The following SLAIN2 variants were observed in gnomAD, a reference collection of about 807,000 sequenced individuals.
SLAIN2 encodes SLAIN family member 2.
SLAIN2 carries 31 observed loss-of-function variants against 56.6 expected under a neutral mutation model. The observed-to-expected ratio is 0.55, with a 90% CI of 0.41 to 0.74. SLAIN2 has a LOEUF of 0.74. Ranked by LOEUF, SLAIN2 falls within the 30% of genes least tolerant of loss-of-function variation. SLAIN2 has a pLI of 0.00. For synonymous variants in SLAIN2, 317 were observed against 284.9 expected (o/e 1.11, Z -1.13); for missense variants, 777 against 754.2 (o/e 1.03, Z -0.35).
chr4:48,373,388 T>C (rs183875826), intron 2 of SLAIN2, among the ~76,000 whole-genome samples: 4 of 152,344 alleles, frequency 2.6e-5, no homozygotes, highest in African/African-American at 9.6e-5. Context: ...AGATCTCTCT[T>C]TTGCCTCATG....
chr4:48,408,869 C>T (rs1361593624), intron 6 of SLAIN2, among the ~76,000 whole-genome samples: 3 of 152,114 alleles, frequency 2.0e-5, no homozygotes, highest in Non-Finnish European at 4.4e-5. Flanking sequence ...AAGCTCCATT[C>T]ATGGAAAGTG....
chr4:48,356,684 T>C (rs1025619172), intron 1 of SLAIN2, among the ~76,000 whole-genome samples: 3 of 152,182 alleles, frequency 2.0e-5, no homozygotes, highest in Admixed American at 6.5e-5. Context: ...TGCATAGTTA[T>C]GGTTCAGCAC....
intron 5 of SLAIN2, 36 bp from the exon 6 acceptor site, chr4:48,383,611 G>C: frequency 1.2e-5 from 17 of 1,467,300 alleles, no homozygotes; most frequent in Non-Finnish European, 1.5e-5. Context: ...CCATCTGAAA[G>C]AATATGATTT....
Position 48,379,669 on chromosome 4 carries a change from TTTTC to T in SLAIN2, c.704-17_704-14del. 1 of 1,393,480 alleles carries T rather than the reference TTTTC, an allele frequency of 7.2e-7. No homozygotes were observed. Among genetic ancestry groups the T allele is most frequent in the Non-Finnish European group, 9.4e-7 (1 of 1,067,298 alleles). 86.3% of individuals were successfully genotyped at this position (1,393,480 alleles called of 1,614,324 possible). A position where few individuals can be genotyped will look rare whatever the true frequency, so the allele number is the denominator to read the frequency against. On this transcript the variant is annotated splice_polypyrimidine_tract_variant and intron_variant, in intron 3 of 7. Transcript: ENST00000264313. ...AGTTGCTTTACCAGAGTTTGAATTT[TTTTC>T]TTTTTTTTTTTTTAAGGTAACTTGA...
chr4:48,377,840 A>C (rs572650624), intron 2 of SLAIN2, 56 bp from the exon 3 acceptor site: 2 of 1,513,588 alleles, frequency 1.3e-6, no homozygotes, highest in Non-Finnish European at 1.8e-6. Context: ...TTCAGAAATG[A>C]AACGTTAACT....
chr4:48,366,502 T>C (rs1306483782), intron 1 of SLAIN2, among the ~76,000 whole-genome samples: 1 of 152,236 alleles, frequency 6.6e-6, no homozygotes, highest in African/African-American at 2.4e-5. Context: ...TATCTTCCTT[T>C]TAGTTTCCAG....
At chr4:48,347,616 A>T (rs1714903525) in intron 1 of SLAIN2, among the ~76,000 whole-genome samples, 1 of 152,160 alleles carries the variant, frequency 6.6e-6, no homozygotes, top group Non-Finnish European at 1.5e-5. Flanking sequence ...TTTTATTGTA[A>T]AATATAACAA....
intron 3 of SLAIN2, 140 bp downstream of exon 3, chr4:48,378,200 C>T: frequency 1.1e-6 from 1 of 892,390 alleles, no homozygotes; most frequent in Non-Finnish European, 1.7e-6. Context: ...CGTTGAGGAG[C>T]AACTTAGCAC....
At chr4:48,411,708 C>T (rs1313044770) in intron 6 of SLAIN2, among the ~76,000 whole-genome samples, 5 of 152,082 alleles carry the variant, frequency 3.3e-5, no homozygotes, top group African/African-American at 9.7e-5. Context: ...TTACAGTAGA[C>T]CTCTTGTACT....
intron 1 of SLAIN2, among the ~76,000 whole-genome samples, chr4:48,365,723 C>T (rs1198466745): frequency 2.0e-5 from 3 of 151,780 alleles, no homozygotes; most frequent in Admixed American, 6.6e-5. Context: ...CACCACACTC[C>T]GCTAATTTTT....
chr4:48,413,541 A>T (rs1716920506), intron 6 of SLAIN2, among the ~76,000 whole-genome samples: 1 of 152,164 alleles, frequency 6.6e-6, no homozygotes, highest in Non-Finnish European at 1.5e-5. Context: ...TGTGTCAGTA[A>T]ATTGTGATTA....
intron 6 of SLAIN2, among the ~76,000 whole-genome samples, chr4:48,400,734 A>G (rs1226660685): frequency 2.0e-5 from 3 of 151,180 alleles, no homozygotes; most frequent in African/African-American, 7.3e-5. Flanking sequence ...GTAGTAGTCT[A>G]TTTTATTAAT....
intron 1 of SLAIN2, among the ~76,000 whole-genome samples, chr4:48,366,231 C>T (rs1715515919): frequency 6.6e-6 from 1 of 152,058 alleles, no homozygotes; most frequent in Non-Finnish European, 1.5e-5. Flanking sequence ...ATGTCCTAGC[C>T]CATGGTCTGT....
intron 6 of SLAIN2, among the ~76,000 whole-genome samples, chr4:48,417,874 G>C (rs940505693): frequency 6.6e-6 from 1 of 152,144 alleles, no homozygotes; most frequent in Non-Finnish European, 1.5e-5. Context: ...GCTATCTATG[G>C]TGTGGTATTT....
intron 1 of SLAIN2, among the ~76,000 whole-genome samples, chr4:48,365,098 C>G (rs1470903100): frequency 4.6e-5 from 7 of 152,010 alleles, no homozygotes; most frequent in African/African-American, 1.7e-4. Flanking sequence ...GTGATGTCCT[C>G]TCTTTTGTTT....
chr4:48,359,956 C>G (rs1715273034), intron 1 of SLAIN2, among the ~76,000 whole-genome samples: 1 of 151,870 alleles, frequency 6.6e-6, no homozygotes, highest in African/African-American at 2.4e-5. Context: ...GAGTTCGAGA[C>G]CAGCCTGACC....
At chr4:48,343,367 C>T (rs547849336) in intron 1 of SLAIN2, among the ~76,000 whole-genome samples, 1 of 152,346 alleles carries the variant, frequency 6.6e-6, no homozygotes, top group South Asian at 2.1e-4. Flanking sequence ...ACATAGTAAA[C>T]TGTCTAAAAC....
chr4:48,397,958 A>G (rs1219142268), intron 6 of SLAIN2, among the ~76,000 whole-genome samples: 1 of 152,222 alleles, frequency 6.6e-6, no homozygotes. Context: ...TAGTGCCGCA[A>G]TGAACATACA....
chr4:48,369,898 A>G lies in SLAIN2; in HGVS notation c.439A>G (p.Ser147Gly). The G allele has an allele frequency of 6.2e-7, 1 of 1,613,710 alleles. No individual in the cohort carries two copies. Among genetic ancestry groups the G allele is most frequent in the Non-Finnish European group, 8.5e-7 (1 of 1,179,708 alleles). ...ACTTACACCAATGCAGAAATCGGTT[A>G]GTCCATTAGTTTGGTGCAGGCAAGT... Reference protein sequence around the residue: ...KKLTPMQKSVSPLVWCRQVLD... With the variant: ...KKLTPMQKSVGPLVWCRQVLD... Residue 147 changes from serine (S) to glycine (G), a missense_variant, in exon 2 of 8, where the codon AGT becomes GGT. Coordinates refer to ENST00000264313, the MANE Select transcript of SLAIN2 (RefSeq NM_020846.2).
Sources: gnomAD v4.1 joint callset for allele counts (sites outside exome capture counted in the v4.1 genomes callset) on GRCh38, gnomAD v4.1.1 for gene constraint, MANE v1.5 for transcripts, NCBI Gene and HGNC (gene_info 2026-07-23, HGNC 2026-07-21) for gene names.